The following SYTL5 variants were observed in gnomAD, a reference collection of about 807,000 sequenced individuals.
The protein encoded by SYTL5 is synaptotagmin-like protein 5.
In SYTL5, 34 loss-of-function variants were observed where a neutral mutation model predicts 55.9. The observed-to-expected ratio is 0.61, with a 90% CI of 0.46 to 0.81. The LOEUF (loss-of-function observed/expected upper bound fraction) is 0.81. Ranked by LOEUF, SYTL5 falls within the 30% of genes least tolerant of loss-of-function variation. The pLI is 0.00. For synonymous variants in SYTL5, 221 were observed against 188.7 expected (o/e 1.17, Z -1.40); for missense variants, 637 against 546.7 (o/e 1.17, Z -1.65).
At chrX:38,055,241 C>A (rs1039340347) in intron 3 of SYTL5, among the ~76,000 whole-genome samples, 1 of 112,035 alleles carries the variant, frequency 8.9e-6, no homozygotes, top group African/African-American at 3.2e-5. Context: ...CCTCCAAATT[C>A]TTTCTCATTC....
At chrX:38,077,393 T>C (rs1361549753) in intron 6 of SYTL5, among the ~76,000 whole-genome samples, 1 of 111,814 alleles carries the variant, frequency 8.9e-6, no homozygotes, top group Non-Finnish European at 1.9e-5. Context: ...GTCCAATTGT[T>C]AACTCCCTTT....
the SYTL5 span, among the ~76,000 whole-genome samples, chrX:37,920,581 A>C: frequency 9.0e-6 from 1 of 111,404 alleles, no homozygotes; most frequent in African/African-American, 3.3e-5. Context: ...GATGAGATCA[A>C]GATAAAACTT....
intron 2 of SYTL5, among the ~76,000 whole-genome samples, chrX:38,041,318 T>A (rs915407987): frequency 8.9e-6 from 1 of 112,464 alleles, no homozygotes; most frequent in African/African-American, 3.2e-5. Context: ...ACACTATAAA[T>A]GTTTGATCAT....
At chrX:38,116,677 A>G (rs1937496724) in intron 13 of SYTL5, among the ~76,000 whole-genome samples, 1 of 112,796 alleles carries the variant, frequency 8.9e-6, no homozygotes, top group South Asian at 3.6e-4. Flanking sequence ...TCTTCTATTC[A>G]ACTGAATTGT....
the SYTL5 span, among the ~76,000 whole-genome samples, chrX:37,925,108 A>C: frequency 1.8e-5 from 2 of 111,404 alleles, no homozygotes; most frequent in African/African-American, 6.5e-5. Context: ...TATATGTGTG[A>C]AAATATGTGC....
the SYTL5 span, among the ~76,000 whole-genome samples, chrX:37,891,131 A>G: frequency 8.9e-6 from 1 of 112,444 alleles, no homozygotes; most frequent in African/African-American, 3.2e-5. Context: ...TCCTCAGTAT[A>G]TATCCAAGAA....
the SYTL5 span, among the ~76,000 whole-genome samples, chrX:37,895,454 TTCCC>T: frequency 1.2e-3 from 100 of 82,829 alleles, no homozygotes; most frequent in African/African-American, 3.3e-3. Flanking sequence ...CCTTCCTTCC[TTCCC>T]TCCCTCCCTC....
the SYTL5 span, among the ~76,000 whole-genome samples, chrX:37,925,811 C>T: frequency 1.3e-4 from 15 of 111,344 alleles, no homozygotes; most frequent in South Asian, 3.0e-3. Context: ...TATGCCTTTG[C>T]GTCCTCATAA....
At chrX:37,985,834 A>G in the SYTL5 span, among the ~76,000 whole-genome samples, 6 of 111,908 alleles carry the variant, frequency 5.4e-5, no homozygotes, top group South Asian at 1.1e-3. Context: ...CAAATGGATT[A>G]GTGGAATCAA....
chrX:38,113,371 T>C (rs1937406725), intron 13 of SYTL5, among the ~76,000 whole-genome samples: 1 of 112,036 alleles, frequency 8.9e-6, no homozygotes, highest in South Asian at 3.8e-4. Context: ...AGGTAGAGAG[T>C]AAATGTATGT....
the SYTL5 span, among the ~76,000 whole-genome samples, chrX:37,913,942 C>T: frequency 8.9e-6 from 1 of 112,201 alleles, no homozygotes; most frequent in South Asian, 3.7e-4. Flanking sequence ...TCTGTATAAC[C>T]TTCTGTGTAA....
chrX:37,980,304 A>G, the SYTL5 span, among the ~76,000 whole-genome samples: 180 of 111,919 alleles, frequency 1.6e-3, 1 homozygote, highest in African/African-American at 5.4e-3. Flanking sequence ...ATTCCCCACG[A>G]AGTACTGGGA....
chrX:37,901,670 C>T, the SYTL5 span, among the ~76,000 whole-genome samples: 2 of 112,037 alleles, frequency 1.8e-5, no homozygotes, highest in African/African-American at 3.3e-5. Context: ...AAAGAAGCCA[C>T]ACACAAAGGC....
At chrX:37,986,248 G>A in the SYTL5 span, among the ~76,000 whole-genome samples, 2 of 109,838 alleles carry the variant, frequency 1.8e-5, no homozygotes, top group African/African-American at 3.3e-5. Flanking sequence ...TCAGCCAGGA[G>A]CTTCGGCAAG....
At chrX:38,109,770 C>G (rs5917535) in intron 12 of SYTL5, among the ~76,000 whole-genome samples, 14,940 of 108,528 alleles carry the variant, frequency 0.14, 860 homozygotes, top group Middle Eastern at 0.18. Context: ...GATGTTGTTA[C>G]AAAAAACAAA....
At chrX:37,996,379 G>A in the SYTL5 span, among the ~76,000 whole-genome samples, 3 of 112,367 alleles carry the variant, frequency 2.7e-5, no homozygotes, top group East Asian at 2.8e-4. Flanking sequence ...ATTTCTAACA[G>A]GAGGGAGGGA....
At chrX:37,987,983 C>T in the SYTL5 span, among the ~76,000 whole-genome samples, 1 of 111,808 alleles carries the variant, frequency 8.9e-6, no homozygotes, top group Non-Finnish European at 1.9e-5. Flanking sequence ...TGTGATAGGC[C>T]GAGTAATGGT....
At chrX:37,954,996 T>A in the SYTL5 span, among the ~76,000 whole-genome samples, 3 of 111,136 alleles carry the variant, frequency 2.7e-5, no homozygotes, top group Non-Finnish European at 5.7e-5. Flanking sequence ...TGCAACAAAG[T>A]CTTATCAATA....
intron 1 of SYTL5, among the ~76,000 whole-genome samples, chrX:38,008,557 A>G (rs1934070241): frequency 9.0e-6 from 1 of 111,682 alleles, no homozygotes; most frequent in Non-Finnish European, 1.9e-5. Context: ...AATAGGGAGG[A>G]GCTCCTAGAG....
Sources: allele counts gnomAD v4.1 joint callset (sites outside exome capture counted in the v4.1 genomes callset), GRCh38; gene constraint gnomAD v4.1.1; transcripts MANE v1.5; gene names NCBI Gene and HGNC (gene_info 2026-07-23, HGNC 2026-07-21).